KIAA0825: variants seen among roughly 807,000 people sequenced by gnomAD.
KIAA0825 encodes uncharacterized protein KIAA0825.
KIAA0825 carries 119 observed loss-of-function variants against 147.6 expected under a neutral mutation model. The observed-to-expected ratio is 0.81, with a 90% CI of 0.69 to 0.94. The LOEUF (loss-of-function observed/expected upper bound fraction) is 0.94, where lower values mean the gene tolerates loss of function less well. KIAA0825 is among the 40% of genes least tolerant of loss of function. The probability of loss-of-function intolerance (pLI) is 0.00; values close to 1 mark genes in which losing one functional copy is unlikely to be tolerated. For missense variants in KIAA0825, 1,381 were observed against 1,472.7 expected (o/e 0.94, Z 1.02); for synonymous variants, 470 against 518.1 (o/e 0.91, Z 1.26).
At chr5:94,398,944 GT>G (rs1475895556) in intron 16 of KIAA0825, among the ~76,000 whole-genome samples, 1 of 152,078 alleles carries the variant, frequency 6.6e-6, no homozygotes, top group Non-Finnish European at 1.5e-5. Flanking sequence ...TGGAAAATAT[GT>G]TTAATCTAGT....
intron 20 of KIAA0825, among the ~76,000 whole-genome samples, chr5:94,291,099 T>A (rs1451909432): frequency 6.6e-6 from 1 of 152,244 alleles, no homozygotes; most frequent in Non-Finnish European, 1.5e-5. Context: ...TTCACTCTGA[T>A]GATAGTTTCT....
chr5:94,241,041 G>A (rs1775318042), intron 20 of KIAA0825, among the ~76,000 whole-genome samples: 1 of 152,180 alleles, frequency 6.6e-6, no homozygotes, highest in South Asian at 2.1e-4. Flanking sequence ...CTCAGCTGAT[G>A]TGACACCAAG....
chr5:94,476,142 T>G (rs1761870354), intron 7 of KIAA0825, among the ~76,000 whole-genome samples: 1 of 152,216 alleles, frequency 6.6e-6, no homozygotes, highest in African/African-American at 2.4e-5. Context: ...AGGCGAAAAC[T>G]CTGTTAAAAC....
intron 20 of KIAA0825, among the ~76,000 whole-genome samples, chr5:94,373,336 C>G (rs1014651017): frequency 2.6e-5 from 4 of 152,154 alleles, no homozygotes; most frequent in Admixed American, 6.5e-5. Flanking sequence ...TTAGTTCCTT[C>G]TCATGCTGCT....
intron 20 of KIAA0825, among the ~76,000 whole-genome samples, chr5:94,184,686 T>C (rs557387088): frequency 8.4e-4 from 128 of 152,342 alleles, no homozygotes; most frequent in African/African-American, 2.8e-3. Context: ...ATTAAACTTA[T>C]GAAAATGCAT....
chr5:94,457,826 A>G (rs1297644187), intron 12 of KIAA0825, among the ~76,000 whole-genome samples: 2 of 152,210 alleles, frequency 1.3e-5, no homozygotes, highest in Non-Finnish European at 2.9e-5. Flanking sequence ...GGGTCTCATA[A>G]TACGATGTTA....
At chr5:94,212,679 G>A (rs565782915) in intron 20 of KIAA0825, among the ~76,000 whole-genome samples, 1 of 152,324 alleles carries the variant, frequency 6.6e-6, no homozygotes, top group East Asian at 1.9e-4. Context: ...TTGTGTCATA[G>A]CTAAGGAACC....
intron 1 of KIAA0825, chr5:94,593,941 G>A: frequency 2.2e-6 from 1 of 453,016 alleles, no homozygotes; most frequent in Non-Finnish European, 4.4e-6. Flanking sequence ...TTTTACCACA[G>A]TGTGACCCAA....
chr5:94,325,700 A>C (rs1780616316), intron 20 of KIAA0825, among the ~76,000 whole-genome samples: 1 of 151,988 alleles, frequency 6.6e-6, no homozygotes, highest in South Asian at 2.1e-4. Context: ...GATGAATTGT[A>C]ATTAAATTAG....
chr5:94,386,716 A>G (rs908397365), intron 18 of KIAA0825, among the ~76,000 whole-genome samples: 5 of 152,220 alleles, frequency 3.3e-5, no homozygotes, highest in African/African-American at 1.2e-4. Flanking sequence ...ACTGGTTCAC[A>G]TATTAACGTG....
At chr5:94,588,309 T>G (rs931825635) in intron 1 of KIAA0825, among the ~76,000 whole-genome samples, 1 of 152,128 alleles carries the variant, frequency 6.6e-6, no homozygotes, top group East Asian at 1.9e-4. Flanking sequence ...AAAGGGCTAA[T>G]ATCCAGAATC....
chr5:94,286,559 CT>C (rs780147367), intron 20 of KIAA0825, among the ~76,000 whole-genome samples: 253 of 147,388 alleles, frequency 1.7e-3, no homozygotes, highest in Admixed American at 3.1e-3. Flanking sequence ...TTCTTTTTTT[CT>C]TTTTTTTTTA....
chr5:94,591,048 T>C (rs1438706553), intron 1 of KIAA0825, among the ~76,000 whole-genome samples: 1 of 152,206 alleles, frequency 6.6e-6, no homozygotes, highest in Non-Finnish European at 1.5e-5. Flanking sequence ...TACATTTTCC[T>C]TCTGTCCCTC....
Position 94,520,626 on chromosome 5 carries a change from G to A in KIAA0825, c.592C>T (p.Gln198Ter), listed in dbSNP as rs759699024. Residue 198 changes from glutamine (Q) to a stop codon, truncating the protein, a stop_gained, in exon 5 of 21, where the codon CAA becomes TAA. Transcript: ENST00000682413. LOFTEE classifies it high-confidence loss of function. ...GATTCTGGATAAAGAAACAAGAGTT[G>A]TTGTAAGCACTGCTTTTTCAATAAA... ...KILLKKQCLQ[Q>*]LLFLYPESEV... The A allele has an allele frequency of 2.0e-5, 32 of 1,613,236 alleles. No individual in the cohort carries two copies. The highest frequency in any genetic ancestry group is 2.7e-5 in the African/African-American group (2 of 74,902).
In KIAA0825 at chr5:94,532,980, CTT is replaced by C. The variant is rs1163019137; in HGVS notation, c.131+4014_131+4015del. On this transcript the variant is annotated intron_variant, in intron 3 of 20. Coordinates refer to ENST00000682413, the MANE Select transcript of KIAA0825 (RefSeq NM_001145678.3). ...TTAAGGGGGAAAAATCATTCTGTGT[CTT>C]TTTTTTTTTTTTTTGAGACGGAGTC... Among the ~76,000 whole-genome samples, 21 of 140,090 alleles carry C rather than the reference CTT, an allele frequency of 1.5e-4. 1 individual carries two copies. The highest frequency in any genetic ancestry group is 2.2e-4 in the Admixed American group (3 of 13,938). The allele number at this position is 140,090 out of a possible 152,430, so 91.9% of individuals were successfully genotyped here.
intron 1 of KIAA0825, among the ~76,000 whole-genome samples, chr5:94,606,253 A>G (rs1787469649): frequency 6.6e-6 from 1 of 152,226 alleles, no homozygotes; most frequent in South Asian, 2.1e-4. Context: ...AAGAAATTAG[A>G]GAAAACACAA....
chr5:94,206,777 C>G, intron 20 of KIAA0825, among the ~76,000 whole-genome samples: 1 of 152,178 alleles, frequency 6.6e-6, no homozygotes, highest in East Asian at 1.9e-4. Context: ...TTCAGTCTCT[C>G]CTATAAGGTC....
At chr5:94,159,001 G>T (rs1767299194) in intron 20 of KIAA0825, among the ~76,000 whole-genome samples, 1 of 152,200 alleles carries the variant, frequency 6.6e-6, no homozygotes, top group Non-Finnish European at 1.5e-5. Flanking sequence ...GGGGATAATT[G>T]TCCTCATCTA....
chr5:94,423,236 C>T (rs6889556), intron 14 of KIAA0825, among the ~76,000 whole-genome samples: 35,151 of 152,004 alleles, frequency 0.23, 4,524 homozygotes, highest in Middle Eastern at 0.32. Context: ...ATTGGCAAGC[C>T]ACATATTTAA....
Sources: allele counts gnomAD v4.1 joint callset (sites outside exome capture counted in the v4.1 genomes callset), GRCh38; gene constraint gnomAD v4.1.1; transcripts MANE v1.5; gene names NCBI Gene and HGNC (gene_info 2026-07-23, HGNC 2026-07-21).